The following HTT variants were observed in gnomAD, a reference collection of about 807,000 sequenced individuals.
HTT encodes huntington disease protein.
In HTT, 104 loss-of-function variants were observed where a neutral mutation model predicts 362.3. The observed-to-expected ratio is 0.29, with a 90% CI of 0.24 to 0.34. HTT has a LOEUF of 0.34. Ranked by LOEUF, HTT falls within the 10% of genes least tolerant of loss-of-function variation. The pLI is 1.00. For missense variants in HTT, 3,301 were observed against 3,928.6 expected, an observed-to-expected ratio of 0.84 and a Z score of 4.27; for synonymous variants, 1,577 against 1,548.7, an observed-to-expected ratio of 1.02 and a Z score of -0.43.
At chr4:3,207,083 A>C in intron 44 of HTT, 100 bp downstream of exon 44, 2 of 1,216,820 alleles carry the variant, frequency 1.6e-6, no homozygotes, top group Non-Finnish European at 1.2e-6. Flanking sequence ...TGGTCTTGAC[A>C]TGGTCACCGA....
chr4:3,226,947 T>G (rs1720950186), intron 57 of HTT, among the ~76,000 whole-genome samples: 2 of 152,226 alleles, frequency 1.3e-5, no homozygotes, highest in South Asian at 4.1e-4. Context: ...TGACAGATGT[T>G]TCCACCCCAA....
intron 5 of HTT, among the ~76,000 whole-genome samples, chr4:3,106,430 T>C (rs1295451465): frequency 6.6e-6 from 1 of 152,218 alleles, no homozygotes; most frequent in Non-Finnish European, 1.5e-5. Flanking sequence ...TTTTGTATAA[T>C]CTTTTTTCTT....
intron 50 of HTT, 152 bp from the exon 51 acceptor site, chr4:3,214,958 T>C: frequency 3.2e-6 from 2 of 623,036 alleles, no homozygotes; most frequent in Non-Finnish European, 2.8e-6. Context: ...CAGTCTAGTA[T>C]TGTCTGTTTG....
intron 19 of HTT, 33 bp downstream of exon 19, chr4:3,134,573 CTAAGCTCAAT>C (rs761338471): frequency 6.3e-7 from 1 of 1,591,718 alleles, no homozygotes; most frequent in East Asian, 2.2e-5. Flanking sequence ...ATTTCATGAA[CTAAGCTCAAT>C]TGAAAGTTCT....
At chr4:3,134,055 T>C (rs767038002) in intron 18 of HTT, among the ~76,000 whole-genome samples, 3 of 152,050 alleles carry the variant, frequency 2.0e-5, no homozygotes, top group Admixed American at 1.3e-4. Context: ...TACCCCTGGG[T>C]CTGAGATTTA....
At chr4:3,110,478 G>T (rs1462842551) in intron 6 of HTT, among the ~76,000 whole-genome samples, 1 of 152,156 alleles carries the variant, frequency 6.6e-6, no homozygotes, top group Non-Finnish European at 1.5e-5. Context: ...CATTAGCCTG[G>T]AATTTCCTTT....
intron 29 of HTT, among the ~76,000 whole-genome samples, chr4:3,171,291 G>A (rs1310156857): frequency 6.6e-6 from 1 of 152,078 alleles, no homozygotes; most frequent in Non-Finnish European, 1.5e-5. Flanking sequence ...AGGATATTTT[G>A]TTAAACAAGT....
At chr4:3,135,645 A>G (rs951287636) in intron 19 of HTT, among the ~76,000 whole-genome samples, 2 of 152,212 alleles carry the variant, frequency 1.3e-5, no homozygotes, top group Non-Finnish European at 2.9e-5. Flanking sequence ...TTTATAGGGC[A>G]CTTACAGAGT....
rs371097921 is a variant in HTT at position 3,240,513 on chromosome 4, C to T, written c.*454C>T. 4.0e-4 allele frequency: 77 copies of T among 192,098 alleles called. No homozygotes were observed. The highest frequency in any genetic ancestry group is 2.2e-3 in the South Asian group (21 of 9,492). 11.9% of individuals were successfully genotyped at this position (192,098 alleles called of 1,614,324 possible). Reference sequence around the variant, plus strand: ...TCTCCCTGGTGGGGTGTGCATGCCACGCCCCGTGTCTGGATGCACAGATGC... The same window carrying T: ...TCTCCCTGGTGGGGTGTGCATGCCATGCCCCGTGTCTGGATGCACAGATGC... On this transcript the variant is annotated 3_prime_UTR_variant, in exon 67 of 67. Transcript: ENST00000355072.
At chr4:3,167,811 T>G (rs1220154728) in intron 29 of HTT, among the ~76,000 whole-genome samples, 2 of 152,200 alleles carry the variant, frequency 1.3e-5, no homozygotes, top group African/African-American at 4.8e-5. Context: ...CTCTGAAAAT[T>G]TTTACATTTG....
intron 21 of HTT, among the ~76,000 whole-genome samples, chr4:3,137,238 C>G (rs1478020647): frequency 6.6e-6 from 1 of 151,984 alleles, no homozygotes; most frequent in Non-Finnish European, 1.5e-5. Context: ...CTTCTAATAG[C>G]TTTATGGAGG....
In HTT at chr4:3,228,480, G is replaced by C; in HGVS notation, c.7849-135G>C. 1.0e-6 allele frequency: 1 copy of C among 958,890 alleles called. No homozygotes were observed. The highest frequency in any genetic ancestry group is 1.5e-6 in the Non-Finnish European group (1 of 673,746). 59.4% of individuals were successfully genotyped at this position (958,890 alleles called of 1,614,324 possible). ...TGTGGGCTCCCTTGCCCGTAACCTG[G>C]GGTGTCTGAACGACCCTTGCTAAGG... On this transcript the variant is annotated intron_variant, in intron 57 of 66. Transcript: ENST00000355072. The surrounding 1 kb of genome is among the most constrained non-coding windows in gnomAD (Gnocchi z 4.3).
chr4:3,100,340 T>C (rs140074875), intron 3 of HTT, among the ~76,000 whole-genome samples: 8 of 152,342 alleles, frequency 5.3e-5, no homozygotes, highest in South Asian at 2.1e-4. Flanking sequence ...CCCAGCAAGA[T>C]TGATGGGTGT....
At chr4:3,121,694 CA>C (rs1019406950) in intron 9 of HTT, 733 of 39,724 alleles carry the variant, frequency 0.018, 1 homozygote, top group South Asian at 0.039. Flanking sequence ...CCTGTCTCTA[CA>C]AAAAAAAAAA....
intron 8 of HTT, among the ~76,000 whole-genome samples, chr4:3,118,103 G>A (rs572743331): frequency 2.6e-5 from 4 of 152,182 alleles, no homozygotes; most frequent in African/African-American, 7.2e-5. Flanking sequence ...CTGATATACT[G>A]CTTCCATCTC....
chr4:3,082,750 G>T (rs1364701839), intron 1 of HTT, among the ~76,000 whole-genome samples: 1 of 152,154 alleles, frequency 6.6e-6, no homozygotes. Flanking sequence ...ATGTGTCCAG[G>T]TGTAGCTGAG....
At chr4:3,079,631 C>G (rs1712781224) in intron 1 of HTT, among the ~76,000 whole-genome samples, 1 of 152,130 alleles carries the variant, frequency 6.6e-6, no homozygotes, top group African/African-American at 2.4e-5. Flanking sequence ...CCATATCAGA[C>G]CAATACTACT....
intron 23 of HTT, among the ~76,000 whole-genome samples, chr4:3,143,957 T>C (rs1560567300): frequency 6.6e-6 from 1 of 152,100 alleles, no homozygotes; most frequent in Non-Finnish European, 1.5e-5. Context: ...AACCATAATA[T>C]CCAAGAATCC....
intron 56 of HTT, 49 bp downstream of exon 56, chr4:3,224,180 G>A (rs1720803653): frequency 6.3e-7 from 1 of 1,598,132 alleles, no homozygotes; most frequent in East Asian, 2.2e-5. Context: ...GGGCTAGAAT[G>A]AGAGAAGACT....
Sources: gnomAD v4.1 joint callset for allele counts (sites outside exome capture counted in the v4.1 genomes callset) on GRCh38, gnomAD v4.1.1 for gene constraint, Gnocchi (gnomAD v3.1) non-coding constraint, MANE v1.5 for transcripts, NCBI Gene and HGNC (gene_info 2026-07-23, HGNC 2026-07-21) for gene names.